CTDSPL2: variants seen among roughly 807,000 people sequenced by gnomAD.
CTDSPL2 encodes CTD small phosphatase-like protein 2.
CTDSPL2 carries 5 observed loss-of-function variants against 60.0 expected under a neutral mutation model. The ratio of observed to expected loss-of-function variants is 0.08; its 90% confidence interval spans 0.04 to 0.18. The LOEUF is 0.18. Among genes scored for constraint, CTDSPL2 ranks in the 10% least tolerant of loss-of-function variants. CTDSPL2 has a pLI of 1.00. For synonymous variants in CTDSPL2, 186 were observed against 189.3 expected, an observed-to-expected ratio of 0.98 and a Z score of 0.14; for missense variants, 370 against 548.8, an observed-to-expected ratio of 0.67 and a Z score of 3.26.
Position 44,524,160 on chromosome 15 carries a change from C to T in CTDSPL2, c.1387C>T (p.Leu463=). 2 of 1,613,090 alleles carry T rather than the reference C, an allele frequency of 1.2e-6. No homozygotes were observed. The highest frequency in any genetic ancestry group is 1.7e-6 in the Non-Finnish European group (2 of 1,179,184). ...AGACAGATTTCGCTTGCATGATTTG[C>T]TGCCCCCAGATTAAGTACAAAGACT... ...IRDRFRLHDL[L]PPD is the part of the protein sequence containing the mutation. The change falls in exon 13 of 13, where the codon CTG becomes TTG. Residue 463 remains leucine, a synonymous_variant. Coordinates refer to ENST00000260327, the MANE Select transcript of CTDSPL2 (RefSeq NM_016396.3).
chr15:44,456,881 T>TTTTTTTTTTTTTTTTTTTTTTTTG (rs2080457745), intron 1 of CTDSPL2, among the ~76,000 whole-genome samples: 1 of 146,114 alleles, frequency 6.8e-6, no homozygotes, highest in African/African-American at 2.6e-5. Context: ...TTTTTTTGTT[T>TTTTTTTTTTTTTTTTTTTTTTTTG]TTTTTTCTTT....
At chr15:44,437,561 A>G (rs987107844) in intron 1 of CTDSPL2, among the ~76,000 whole-genome samples, 3 of 152,198 alleles carry the variant, frequency 2.0e-5, no homozygotes, top group African/African-American at 7.2e-5. Context: ...GCAAGAATTA[A>G]GTATTGATGT....
chr15:44,523,307 C>T lies in CTDSPL2; in HGVS notation c.1336-802C>T, dbSNP rs2081815618. ...CCACTGCACCCAGCAGTAATCCCAC[C>T]ATTTTGGAAGGCTAAGGTGGGAGGA... On this transcript the variant is annotated intron_variant, in intron 12 of 12. Transcript: ENST00000260327. Among the ~76,000 whole-genome samples, 6 of 152,182 alleles carry T rather than the reference C, an allele frequency of 3.9e-5. No individual in the cohort carries two copies. The South Asian group carries it at 1.2e-3, about 32-fold the overall frequency.
chr15:44,460,501 ATAAT>A (rs1409224183), intron 2 of CTDSPL2, among the ~76,000 whole-genome samples: 2 of 152,162 alleles, frequency 1.3e-5, no homozygotes, highest in Non-Finnish European at 2.9e-5. Flanking sequence ...TGTTCTTAGA[ATAAT>A]TATTTATATG....
In CTDSPL2 at chr15:44,429,480, A is replaced by G. The variant is rs1428407396; in HGVS notation, c.-25+1708A>G. On this transcript the variant is annotated intron_variant, in intron 1 of 12. Coordinates refer to ENST00000260327, the MANE Select transcript of CTDSPL2 (RefSeq NM_016396.3). ...TTAGTTTGCAGCTAGCTGAGTGAGC[A>G]TTGTAGACCTTGTTTTCAAGAGTTC... 3.3e-5 allele frequency among the ~76,000 whole-genome samples: 5 copies of G among 152,222 alleles called. No homozygotes were observed. In the East Asian group the frequency reaches 9.6e-4, roughly 29 times the overall value.
Position 44,524,096 on chromosome 15 carries a change from T to C in CTDSPL2, c.1336-13T>C, listed in dbSNP as rs779589694. The C allele has an allele frequency of 1.9e-6, 3 of 1,612,772 alleles. No homozygotes were observed. In the African/African-American group the frequency reaches 4.0e-5, roughly 22 times the overall value. On this transcript the variant is annotated splice_polypyrimidine_tract_variant and intron_variant, in intron 12 of 12. Transcript: ENST00000260327. ...TTTTATGCCTTTTTAAAAATTGTCT[T>C]TTTTCCACGCAGAATGAAGATGTTC...
intron 2 of CTDSPL2, among the ~76,000 whole-genome samples, chr15:44,478,457 A>G (rs1779845215): frequency 8.2e-6 from 1 of 122,392 alleles, no homozygotes; most frequent in African/African-American, 3.9e-5. Context: ...TGTCTCAAAA[A>G]AAAAAAAAAA....
chr15:44,521,962 A>AC (rs1835422996), intron 12 of CTDSPL2, among the ~76,000 whole-genome samples: 1 of 150,330 alleles, frequency 6.7e-6, no homozygotes, highest in Non-Finnish European at 1.5e-5. Flanking sequence ...AAAAAAAAAA[A>AC]ACATGATGAT....
At chr15:44,430,053 A>T (rs1394483621) in intron 1 of CTDSPL2, among the ~76,000 whole-genome samples, 1 of 152,218 alleles carries the variant, frequency 6.6e-6, no homozygotes, top group Non-Finnish European at 1.5e-5. Context: ...CCCACTGTTA[A>T]GAAATTAAGA....
At position 44,486,678 on chromosome 15, in the gene CTDSPL2, T is replaced by C. The variant is rs1316586444; in HGVS notation, c.453T>C (p.Phe151=). 6.3e-7 allele frequency: 1 copy of C among 1,586,432 alleles called. No individual in the cohort carries two copies. The change falls in exon 4 of 13, where the codon TTT becomes TTC. Residue 151 remains phenylalanine, a synonymous_variant. Transcript: ENST00000260327. The part of the protein sequence containing the change: ...LGTIFSPVFN[F]FSPANKNGTS... ...CCATATTTTCACCTGTCTTCAACTT[T>C]TTTTCACCAGCAAATAAAAATGGTA...
intron 1 of CTDSPL2, among the ~76,000 whole-genome samples, chr15:44,430,623 A>G (rs1287470624): frequency 6.6e-6 from 1 of 152,242 alleles, no homozygotes; most frequent in Non-Finnish European, 1.5e-5. Flanking sequence ...ATGGTTTGCC[A>G]GAATTTGGAA....
chr15:44,484,457 G>A (rs1052134484), intron 3 of CTDSPL2, 95 bp downstream of exon 3: 79 of 1,178,468 alleles, frequency 6.7e-5, no homozygotes, highest in Non-Finnish European at 8.5e-5. Context: ...CTTTGAGGCC[G>A]GGTGCAGTGG....
chr15:44,523,082 C>T (rs1282144869), intron 12 of CTDSPL2, among the ~76,000 whole-genome samples: 15 of 151,982 alleles, frequency 9.9e-5, no homozygotes, highest in African/African-American at 2.4e-4. Flanking sequence ...CTGCAGCCTC[C>T]GCCTCCCATG....
At chr15:44,505,721 G>GAGA (rs1383442182) in intron 8 of CTDSPL2, among the ~76,000 whole-genome samples, 1 of 147,294 alleles carries the variant, frequency 6.8e-6, no homozygotes, top group Non-Finnish European at 1.5e-5. Context: ...GCAACAGAGC[G>GAGA]AGACTCTGTC....
intron 2 of CTDSPL2, among the ~76,000 whole-genome samples, chr15:44,477,251 G>A (rs2080937215): frequency 2.6e-5 from 4 of 151,930 alleles, no homozygotes; most frequent in Non-Finnish European, 5.9e-5. Context: ...GAGAAAAGGG[G>A]GCCAGGCTCA....
chr15:44,518,600 C>T (rs905151838), intron 10 of CTDSPL2: 3 of 152,014 alleles, frequency 2.0e-5, no homozygotes, highest in Admixed American at 6.5e-5. Flanking sequence ...AGCATTTTTT[C>T]AAATGCCAAC....
chr15:44,433,119 A>AGCCTGGGCAACATGGCGAAACCC (rs1405153079), intron 1 of CTDSPL2, among the ~76,000 whole-genome samples: 5 of 151,588 alleles, frequency 3.3e-5, no homozygotes, highest in Non-Finnish European at 7.4e-5. Context: ...GTTCGAGACC[A>AGCCTGGGCAACATGGCGAAACCC]GCCTGGGCAA....
At chr15:44,479,643 A>T (rs1249274646) in intron 2 of CTDSPL2, among the ~76,000 whole-genome samples, 1 of 152,040 alleles carries the variant, frequency 6.6e-6, no homozygotes, top group Non-Finnish European at 1.5e-5. Flanking sequence ...TCCTGGCCTC[A>T]AGTGAGGCTC....
intron 4 of CTDSPL2, among the ~76,000 whole-genome samples, chr15:44,490,420 C>T (rs2081194736): frequency 6.6e-6 from 1 of 152,180 alleles, no homozygotes; most frequent in South Asian, 2.1e-4. Flanking sequence ...CATGAGTCAC[C>T]ACACCTGGCC....
Sources: gnomAD v4.1 joint callset for allele counts (sites outside exome capture counted in the v4.1 genomes callset) on GRCh38, gnomAD v4.1.1 for gene constraint, MANE v1.5 for transcripts, NCBI Gene and HGNC (gene_info 2026-07-23, HGNC 2026-07-21) for gene names.